Variants in USP9X observed in about 807,000 individuals in gnomAD.
USP9X encodes ubiquitin carboxyl-terminal hydrolase 9X.
A neutral mutation model predicts 190.3 loss-of-function variants in USP9X; 7 were observed. That is an observed-to-expected ratio of 0.04 (90% CI 0.02 to 0.07). The LOEUF (loss-of-function observed/expected upper bound fraction) is 0.07, where lower values mean the gene tolerates loss of function less well. Ranked by LOEUF, USP9X falls within the 10% of genes least tolerant of loss-of-function variation. USP9X has a pLI of 1.00. For missense variants in USP9X, 1,010 were observed against 1,916.9 expected (o/e 0.53, Z 8.83); for synonymous variants, 645 against 659.5 (o/e 0.98, Z 0.34).
chrX:41,189,725 T>C (rs2062913886), intron 26 of USP9X: 1 of 257,508 alleles, frequency 3.9e-6, no homozygotes, highest in Admixed American at 6.1e-5. Flanking sequence ...CTGGGAGGTA[T>C]ATAGATTAGC....
intron 34 of USP9X, 31 bp downstream of exon 34, chrX:41,214,740 A>G (rs2063196666): frequency 1.5e-5 from 18 of 1,167,903 alleles, no homozygotes; most frequent in Non-Finnish European, 2.1e-5. Context: ...TTTAATTTTG[A>G]TTACATTTAA....
chrX:41,133,820 A>G (rs183272988), intron 4 of USP9X, among the ~76,000 whole-genome samples: 2 of 112,368 alleles, frequency 1.8e-5, no homozygotes, highest in East Asian at 5.6e-4. Context: ...TATGTACCAC[A>G]TTTCCTTTAT....
chrX:41,118,821 T>G (rs1382973133), intron 1 of USP9X, among the ~76,000 whole-genome samples: 1 of 111,855 alleles, frequency 8.9e-6, no homozygotes, highest in Non-Finnish European at 1.9e-5. Context: ...CTAGTGGTTT[T>G]CACCTCAGTT....
At chrX:41,159,060 T>C (rs1474687207) in intron 14 of USP9X, among the ~76,000 whole-genome samples, 1 of 111,110 alleles carries the variant, frequency 9.0e-6, no homozygotes, top group African/African-American at 3.3e-5. Flanking sequence ...CACTTCTATT[T>C]AACATTCTGC....
chrX:41,087,002 G>A (rs1238981409), intron 1 of USP9X, among the ~76,000 whole-genome samples: 1 of 112,168 alleles, frequency 8.9e-6, no homozygotes, highest in Non-Finnish European at 1.9e-5. Context: ...GTAGCGACTA[G>A]AACTTACACG....
At chrX:41,090,330 CACTT>C (rs1428034984) in intron 1 of USP9X, among the ~76,000 whole-genome samples, 4 of 111,789 alleles carry the variant, frequency 3.6e-5, no homozygotes, top group South Asian at 3.7e-4. Context: ...AAACTTCTAA[CACTT>C]ACCTATATTG....
intron 1 of USP9X, among the ~76,000 whole-genome samples, chrX:41,091,218 T>C (rs1345610955): frequency 1.8e-5 from 2 of 108,784 alleles, no homozygotes; most frequent in Non-Finnish European, 3.8e-5. Context: ...TGTCACTAAA[T>C]AGAATTTCAT....
At chrX:41,129,484 G>A (rs527796689) in intron 3 of USP9X, among the ~76,000 whole-genome samples, 5 of 111,902 alleles carry the variant, frequency 4.5e-5, no homozygotes, top group African/African-American at 1.6e-4. Flanking sequence ...GTTCCTCAGA[G>A]CCTGATCCTA....
Position 41,141,193 on chromosome X carries a change from T to C in USP9X, c.998T>C (p.Ile333Thr), listed in dbSNP as rs2062419833. 1 of 1,191,634 alleles carries C rather than the reference T, an allele frequency of 8.4e-7. No individual in the cohort carries two copies. The highest frequency in any genetic ancestry group is 1.1e-6 in the Non-Finnish European group (1 of 886,416). ...GQEETVKNLE[I>T]FRLKMILRLL... is the part of the protein sequence containing the mutation. Reference sequence around the variant, plus strand: ...GAAGAAACTGTTAAAAACTTAGAAATATTTAGGTTAAAAATGATACTTAGG... The same window carrying C: ...GAAGAAACTGTTAAAAACTTAGAAACATTTAGGTTAAAAATGATACTTAGG... Residue 333 changes from isoleucine to threonine, a missense_variant, in exon 8 of 45, where the codon ATA becomes ACA. Coordinates refer to ENST00000378308, the MANE Select transcript of USP9X (RefSeq NM_001039591.3).
intron 1 of USP9X, among the ~76,000 whole-genome samples, chrX:41,091,901 A>G (rs1255087381): frequency 8.9e-6 from 1 of 112,117 alleles, no homozygotes; most frequent in Non-Finnish European, 1.9e-5. Context: ...GGTAATGGAT[A>G]ATAAGGTCAG....
chrX:41,217,373 A>T (rs1332147652), intron 36 of USP9X, 30 bp downstream of exon 36: 1 of 1,171,488 alleles, frequency 8.5e-7, no homozygotes, highest in Non-Finnish European at 1.1e-6. Flanking sequence ...CATTCCTATT[A>T]TACTAATGTT....
chrX:41,176,158 CAGA>C (rs2062773351), intron 21 of USP9X, among the ~76,000 whole-genome samples: 2 of 111,456 alleles, frequency 1.8e-5, no homozygotes, highest in Admixed American at 1.9e-4. Flanking sequence ...TCTTTGAACG[CAGA>C]AGGACTCTTG....
chrX:41,170,418 T>G, intron 19 of USP9X, 52 bp from the exon 20 acceptor site: 1 of 1,175,883 alleles, frequency 8.5e-7, no homozygotes, highest in African/African-American at 1.8e-5. Context: ...TTTTGTGTTT[T>G]GTGTAAGTAT....
intron 21 of USP9X, among the ~76,000 whole-genome samples, chrX:41,180,934 C>G: frequency 9.0e-6 from 1 of 111,169 alleles, no homozygotes; most frequent in African/African-American, 3.3e-5. Flanking sequence ...AGGAAAAAAG[C>G]TAATGATTCT....
In USP9X at chrX:41,129,143, C is replaced by G; in HGVS notation, c.240C>G (p.Asn80Lys). ...TDLAKLDDMI[N>K]RPRWVVPVLP... ...TGGCCAAGTTGGATGACATGATCAACAGGTGAGTTGGTGTGTAACACCCAA... is the reference window on the plus strand; with the variant it reads ...TGGCCAAGTTGGATGACATGATCAAGAGGTGAGTTGGTGTGTAACACCCAA... Residue 80 changes from asparagine (N) to lysine (K), a missense_variant and splice_region_variant, in exon 3 of 45, where the codon AAC becomes AAG. Asn to Lys is a moderately conservative substitution (Grantham distance 94, BLOSUM62 0). Around this residue, in one of 11 missense-constraint regions of USP9X, gnomAD observed 176 missense variants for 247.5 expected, o/e 0.71. Coordinates refer to ENST00000378308, the MANE Select transcript of USP9X (RefSeq NM_001039591.3). The G allele has an allele frequency of 8.3e-7, 1 of 1,207,602 alleles. No individual in the cohort carries two copies. The highest frequency in any genetic ancestry group is 1.1e-6 in the Non-Finnish European group (1 of 894,498).
At chrX:41,194,181 A>C (rs774462584) in intron 26 of USP9X, among the ~76,000 whole-genome samples, 2 of 111,995 alleles carry the variant, frequency 1.8e-5, no homozygotes, top group Admixed American at 1.9e-4. Context: ...GACTGTTTTC[A>C]GAAACCTAAG....
intron 14 of USP9X, among the ~76,000 whole-genome samples, chrX:41,162,308 T>C (rs1209807973): frequency 8.9e-6 from 1 of 112,531 alleles, no homozygotes; most frequent in African/African-American, 3.2e-5. Flanking sequence ...GTGACAATTG[T>C]ATGATAACTT....
chrX:41,149,412 A>G (rs1384485351), intron 12 of USP9X, among the ~76,000 whole-genome samples: 1 of 111,192 alleles, frequency 9.0e-6, no homozygotes, highest in Non-Finnish European at 1.9e-5. Flanking sequence ...GTTTCACTGA[A>G]TTTAGTAGAC....
In USP9X at chrX:41,200,580, G is replaced by GA. The variant is rs1268252752; in HGVS notation, c.4604-473dup. ...AACAGAAAGTTACCTAAAGGTGGGG[G>GA]AAAAAAAGTGGTAAGCATCAGAACC... On this transcript the variant is annotated intron_variant, in intron 30 of 44. Coordinates refer to ENST00000378308, the MANE Select transcript of USP9X (RefSeq NM_001039591.3). Among the ~76,000 whole-genome samples, 127 of 111,792 alleles carry GA rather than the reference G, an allele frequency of 1.1e-3. No individual in the cohort carries two copies. The Middle Eastern group carries it at 0.014, about 12-fold the overall frequency.
Sources: gnomAD v4.1 joint callset for allele counts (sites outside exome capture counted in the v4.1 genomes callset) on GRCh38, gnomAD v4.1.1 for gene constraint, gnomAD v4.1.1 regional missense constraint, MANE v1.5 for transcripts, NCBI Gene and HGNC (gene_info 2026-07-23, HGNC 2026-07-21) for gene names.